Variants in ADK observed in about 807,000 individuals in gnomAD.
ADK encodes N6,N6-dimethyladenosine kinase.
Under a neutral mutation model 44.7 loss-of-function variants are expected in ADK, and 24 were observed. The observed-to-expected ratio is 0.54, with a 90% confidence interval of 0.39 to 0.76. The LOEUF (loss-of-function observed/expected upper bound fraction) is 0.76, where lower values mean the gene tolerates loss of function less well. Ranked by LOEUF, ADK falls within the 30% of genes least tolerant of loss-of-function variation. ADK has a pLI of 0.00. For missense variants in ADK, 321 were observed against 425.1 expected, an observed-to-expected ratio of 0.76 and a Z score of 2.15; for synonymous variants, 128 against 142.6, an observed-to-expected ratio of 0.90 and a Z score of 0.73.
intron 6 of ADK, among the ~76,000 whole-genome samples, chr10:74,425,743 C>A (rs1226313592): frequency 2.0e-5 from 3 of 152,168 alleles, no homozygotes; most frequent in Non-Finnish European, 4.4e-5. Flanking sequence ...TGTTTGCCTA[C>A]CCCTCTGGAT....
At chr10:74,167,900 T>C (rs917099192) in intron 1 of ADK, among the ~76,000 whole-genome samples, 6 of 152,242 alleles carry the variant, frequency 3.9e-5, no homozygotes, top group African/African-American at 1.4e-4. Context: ...TTTAAAGTGT[T>C]TTTTCCTCCA....
chr10:74,476,396 G>T (rs1182650924), intron 6 of ADK, among the ~76,000 whole-genome samples: 1 of 151,946 alleles, frequency 6.6e-6, no homozygotes, highest in Non-Finnish European at 1.5e-5. Flanking sequence ...GGAGGCTGAG[G>T]CAAGAGAATT....
chr10:74,700,859 G>A (rs768887385), intron 10 of ADK, among the ~76,000 whole-genome samples: 56 of 152,188 alleles, frequency 3.7e-4, no homozygotes, highest in Middle Eastern at 3.4e-3. Context: ...AATCAATAAG[G>A]ATAGAATGTA....
chr10:74,354,007 G>A (rs188861479), intron 4 of ADK, among the ~76,000 whole-genome samples: 3 of 152,182 alleles, frequency 2.0e-5, no homozygotes, highest in Non-Finnish European at 4.4e-5. Flanking sequence ...TTAAGAAAAA[G>A]GGTTTCCTTT....
At position 74,527,670 on chromosome 10, in the gene ADK, A is replaced by C. The variant is rs577117995; in HGVS notation, c.726+2244A>C. Reference sequence around the variant, plus strand: ...ATATTTTGGCATCTTCAGCCTACCAAAACTGTGTCAAAAATGCCTCTCTTA... The same window carrying C: ...ATATTTTGGCATCTTCAGCCTACCACAACTGTGTCAAAAATGCCTCTCTTA... On this transcript the variant is annotated intron_variant, in intron 7 of 10. Coordinates refer to ENST00000539909, the MANE Select transcript of ADK (RefSeq NM_006721.4). The C allele has an allele frequency of 3.2e-5, 34 of 1,071,114 alleles. No individual in the cohort carries two copies. In the African/African-American group the frequency reaches 4.7e-4, roughly 15 times the overall value. 66.4% of individuals were successfully genotyped at this position (1,071,114 alleles called of 1,614,324 possible).
At chr10:74,210,958 C>T (rs12247758) in intron 2 of ADK, among the ~76,000 whole-genome samples, 5,920 of 152,122 alleles carry the variant, frequency 0.039, 414 homozygotes, top group African/African-American at 0.14. Context: ...GATCTCAGCT[C>T]ACTGCAACCT....
chr10:74,176,621 C>A, intron 1 of ADK: 1 of 1,394,746 alleles, frequency 7.2e-7, no homozygotes, highest in Non-Finnish European at 9.3e-7. Flanking sequence ...TGAGCTGGCA[C>A]GAGACACGCG....
chr10:74,329,087 A>G (rs1326140049), intron 4 of ADK, among the ~76,000 whole-genome samples: 2 of 144,094 alleles, frequency 1.4e-5, no homozygotes, highest in Non-Finnish European at 1.5e-5. Context: ...ATAAAATAAA[A>G]TCTAATCTTC....
chr10:74,654,518 G>A (rs1219511906), intron 9 of ADK, among the ~76,000 whole-genome samples: 1 of 152,210 alleles, frequency 6.6e-6, no homozygotes, highest in African/African-American at 2.4e-5. Flanking sequence ...TCCAATTCAA[G>A]TATTAATTCA....
intron 9 of ADK, among the ~76,000 whole-genome samples, chr10:74,606,915 T>C (rs1852343521): frequency 6.6e-6 from 1 of 152,216 alleles, no homozygotes; most frequent in African/African-American, 2.4e-5. Flanking sequence ...TGGGTGCTCC[T>C]GTATTGGGTG....
At chr10:74,381,917 A>G (rs1041460280) in intron 4 of ADK, among the ~76,000 whole-genome samples, 1 of 152,134 alleles carries the variant, frequency 6.6e-6, no homozygotes, top group Non-Finnish European at 1.5e-5. Context: ...TGCTTTTTAT[A>G]AAGTGTATAC....
intron 7 of ADK, among the ~76,000 whole-genome samples, chr10:74,531,377 G>T (rs1481202120): frequency 6.6e-6 from 1 of 152,084 alleles, no homozygotes; most frequent in African/African-American, 2.4e-5. Flanking sequence ...TTATGAAATG[G>T]ACAAATTTGT....
chr10:74,258,407 G>A (rs961632409), intron 3 of ADK, among the ~76,000 whole-genome samples: 2 of 151,884 alleles, frequency 1.3e-5, no homozygotes, highest in Admixed American at 1.3e-4. Context: ...TTGTATCTTT[G>A]ATCTTAATTT....
chr10:74,409,917 T>A (rs965522031), intron 6 of ADK, among the ~76,000 whole-genome samples: 3 of 152,202 alleles, frequency 2.0e-5, no homozygotes, highest in African/African-American at 4.8e-5. Flanking sequence ...ACCTATGCCA[T>A]GAGTAACAAT....
chr10:74,290,514 A>G (rs1206787798), intron 3 of ADK, among the ~76,000 whole-genome samples: 1 of 152,016 alleles, frequency 6.6e-6, no homozygotes, highest in African/African-American at 2.4e-5. Flanking sequence ...TACTCTACAA[A>G]CCATTGATAA....
chr10:74,310,181 A>G (rs1840386878), intron 3 of ADK, among the ~76,000 whole-genome samples: 1 of 152,128 alleles, frequency 6.6e-6, no homozygotes, highest in South Asian at 2.1e-4. Flanking sequence ...CCAAAAGGAG[A>G]AAGTAAGAAG....
At chr10:74,546,696 G>A (rs1002842268) in intron 7 of ADK, among the ~76,000 whole-genome samples, 1 of 151,966 alleles carries the variant, frequency 6.6e-6, no homozygotes, top group Non-Finnish European at 1.5e-5. Context: ...TACCTCTTAG[G>A]AAAATAATTG....
chr10:74,177,943 ATATTTT>A (rs1842406584), intron 1 of ADK, among the ~76,000 whole-genome samples: 1 of 56,844 alleles, frequency 1.8e-5, no homozygotes, highest in South Asian at 4.1e-4. Context: ...ATATATATAT[ATATTTT>A]TTTTTTTTTG....
intron 7 of ADK, among the ~76,000 whole-genome samples, chr10:74,583,949 A>T (rs1006761088): frequency 6.6e-6 from 1 of 152,186 alleles, no homozygotes; most frequent in African/African-American, 2.4e-5. Flanking sequence ...ACCACTCCAT[A>T]GTCCTCACAA....
Sources: gnomAD v4.1 joint callset for allele counts (sites outside exome capture counted in the v4.1 genomes callset) on GRCh38, gnomAD v4.1.1 for gene constraint, MANE v1.5 for transcripts, NCBI Gene and HGNC (gene_info 2026-07-23, HGNC 2026-07-21) for gene names.